The following ARHGAP19 variants were observed in gnomAD, a reference collection of about 807,000 sequenced individuals.
The protein encoded by ARHGAP19 is rho GTPase-activating protein 19.
In ARHGAP19, 48 loss-of-function variants were observed where a neutral mutation model predicts 60.9. That is an observed-to-expected ratio of 0.79 (90% CI 0.62 to 1.00). The LOEUF (loss-of-function observed/expected upper bound fraction) is 1.00, where lower values mean the gene tolerates loss of function less well. ARHGAP19 is among the 50% of genes least tolerant of loss of function. ARHGAP19 has a pLI of 0.00. For synonymous variants in ARHGAP19, 209 were observed against 215.5 expected, an observed-to-expected ratio of 0.97 and a Z score of 0.27; for missense variants, 562 against 597.2, an observed-to-expected ratio of 0.94 and a Z score of 0.61.
chr10:97,231,059 C>CAAAAAAAAAAAAAAAAAAAAAA lies in ARHGAP19; in HGVS notation c.1285-1207_1285-1186dup, dbSNP rs869291841. ...ACACCTAGTGAGACTCTTGTCTCAC[C>CAAAAAAAAAAAAAAAAAAAAAA]AAAAAAAAAAAAAAAAAAAAAAAAA... On this transcript the variant is annotated intron_variant, in intron 9 of 11. Coordinates refer to ENST00000358531, the MANE Select transcript of ARHGAP19 (RefSeq NM_032900.6). Among the ~76,000 whole-genome samples, 9 of 59,764 alleles carry CAAAAAAAAAAAAAAAAAAAAAA rather than the reference C, an allele frequency of 1.5e-4. 1 individual carries two copies. Among genetic ancestry groups the CAAAAAAAAAAAAAAAAAAAAAA allele is most frequent in the Non-Finnish European group, 2.0e-4 (7 of 35,046 alleles). The allele number at this position is 59,764 out of a possible 152,430, so 39.2% of individuals were successfully genotyped here. A position where few individuals can be genotyped will look rare whatever the true frequency, so the allele number is the denominator to read the frequency against.
intron 6 of ARHGAP19, among the ~76,000 whole-genome samples, chr10:97,246,592 G>A (rs1564716174): frequency 6.6e-6 from 1 of 152,166 alleles, no homozygotes; most frequent in Non-Finnish European, 1.5e-5. Flanking sequence ...AACATGGCAT[G>A]TATATACTCA....
intron 1 of ARHGAP19, among the ~76,000 whole-genome samples, chr10:97,287,151 C>T (rs1462948167): frequency 6.6e-6 from 1 of 151,992 alleles, no homozygotes; most frequent in Non-Finnish European, 1.5e-5. Flanking sequence ...CCCTATATTG[C>T]CCAGGCTAGT....
At chr10:97,252,748 C>T (rs112424202) in intron 6 of ARHGAP19, among the ~76,000 whole-genome samples, 6,585 of 152,208 alleles carry the variant, frequency 0.043, 211 homozygotes, top group Non-Finnish European at 0.061. Context: ...AGTATGAAGA[C>T]TTCTCAAAAA....
At chr10:97,234,175 G>A (rs1371748424) in intron 9 of ARHGAP19, among the ~76,000 whole-genome samples, 1 of 151,822 alleles carries the variant, frequency 6.6e-6, no homozygotes, top group Non-Finnish European at 1.5e-5. Context: ...GCTGAGGCAG[G>A]AGAATCGCTT....
intron 11 of ARHGAP19, 194 bp downstream of exon 11, chr10:97,228,953 G>A (rs1850950507): frequency 1.4e-6 from 1 of 691,502 alleles, no homozygotes. Context: ...TCTACCCTTA[G>A]CACCCAAGAC....
At position 97,223,372 on chromosome 10, in the gene ARHGAP19, G is replaced by A. The variant is rs1850840460; in HGVS notation, c.*2750C>T. ...AGGGTTTTTCACACCAGATTCATTG[G>A]TCCCAATGCAAAAGTCTATCATTGT... On this transcript the variant is annotated 3_prime_UTR_variant, in exon 12 of 12. Coordinates refer to ENST00000358531, the MANE Select transcript of ARHGAP19 (RefSeq NM_032900.6). 1 of 152,172 alleles carries A rather than the reference G, an allele frequency of 6.6e-6. No individual in the cohort carries two copies. Among genetic ancestry groups the A allele is most frequent in the Admixed American group, 6.5e-5 (1 of 15,278 alleles). 9.4% of individuals were successfully genotyped at this position (152,172 alleles called of 1,614,324 possible). A position where few individuals can be genotyped will look rare whatever the true frequency, so the allele number is the denominator to read the frequency against.
At chr10:97,246,830 C>T (rs915181372) in intron 6 of ARHGAP19, among the ~76,000 whole-genome samples, 1 of 151,860 alleles carries the variant, frequency 6.6e-6, no homozygotes, top group African/African-American at 2.4e-5. Context: ...GGGAGACCCC[C>T]AACTCTACAA....
chr10:97,270,717 C>A, intron 1 of ARHGAP19: 1 of 1,521,948 alleles, frequency 6.6e-7, no homozygotes, highest in South Asian at 1.2e-5. Context: ...CCAGCACAGC[C>A]TACGCAAATT....
At chr10:97,265,681 C>G (rs1842888720) in intron 2 of ARHGAP19, 179 bp downstream of exon 2, 1 of 656,476 alleles carries the variant, frequency 1.5e-6, no homozygotes, top group Non-Finnish European at 2.5e-6. Context: ...ATTTATTTAT[C>G]TAGACAGTTT....
chr10:97,250,542 C>T (rs1474057528), intron 6 of ARHGAP19, among the ~76,000 whole-genome samples: 1 of 151,752 alleles, frequency 6.6e-6, no homozygotes, highest in African/African-American at 2.4e-5. Flanking sequence ...CACCACCACG[C>T]CCGGCTAATT....
chr10:97,246,069 C>T (rs1390505150), intron 7 of ARHGAP19, among the ~76,000 whole-genome samples: 5 of 152,166 alleles, frequency 3.3e-5, no homozygotes, highest in Non-Finnish European at 7.3e-5. Flanking sequence ...AGTTACCATA[C>T]CTCACATGTG....
intron 1 of ARHGAP19, among the ~76,000 whole-genome samples, chr10:97,267,277 C>T (rs918572298): frequency 6.6e-5 from 10 of 152,206 alleles, no homozygotes; most frequent in African/African-American, 1.9e-4. Flanking sequence ...TTTGACTCCA[C>T]GTCTCACATC....
At chr10:97,269,265 C>T (rs1302890298) in intron 1 of ARHGAP19, among the ~76,000 whole-genome samples, 2 of 152,150 alleles carry the variant, frequency 1.3e-5, no homozygotes, top group Non-Finnish European at 1.5e-5. Context: ...GTCTCTATTT[C>T]CTTGAAAACT....
chr10:97,282,731 G>A (rs763927415), intron 1 of ARHGAP19, among the ~76,000 whole-genome samples: 9 of 151,878 alleles, frequency 5.9e-5, no homozygotes, highest in Non-Finnish European at 1.3e-4. Context: ...ATATTTCTTA[G>A]AGATCTCTTT....
intron 1 of ARHGAP19, among the ~76,000 whole-genome samples, chr10:97,288,058 G>A (rs900063635): frequency 6.6e-6 from 1 of 152,014 alleles, no homozygotes; most frequent in African/African-American, 2.4e-5. Context: ...GCGAAACTCT[G>A]TCTCAAAAAT....
At chr10:97,290,160 T>A (rs564510142) in intron 1 of ARHGAP19, among the ~76,000 whole-genome samples, 1 of 152,328 alleles carries the variant, frequency 6.6e-6, no homozygotes, top group Non-Finnish European at 1.5e-5. Flanking sequence ...CTCTATTAAA[T>A]CTTGCAACTG....
At chr10:97,244,211 T>C (rs746692148) in intron 7 of ARHGAP19, 52 bp from the exon 8 acceptor site, 5 of 1,482,162 alleles carry the variant, frequency 3.4e-6, no homozygotes, top group Non-Finnish European at 4.6e-6. Flanking sequence ...CAACTTTGTT[T>C]TGGGGTTCTT....
chr10:97,229,784 T>G lies in ARHGAP19; in HGVS notation c.1375A>C (p.Ser459Arg), dbSNP rs1473777353. Reference protein sequence around the residue: ...SVAIGELKGTSKENRNLLFSG... With the variant: ...SVAIGELKGTRKENRNLLFSG... Reference sequence around the variant, plus strand: ...CTTACTAAGTTCCTATTTTCTTTGCTGGTTCCCTTCAATTCACCAATGGCC... The same window carrying G: ...CTTACTAAGTTCCTATTTTCTTTGCGGGTTCCCTTCAATTCACCAATGGCC... Residue 459 changes from serine to arginine, a missense_variant, in exon 10 of 12, where the codon AGC (serine) becomes CGC (arginine). By Grantham distance (110) the Ser-to-Arg change is moderately radical. Coordinates refer to ENST00000358531, the MANE Select transcript of ARHGAP19 (RefSeq NM_032900.6). 6.2e-7 allele frequency: 1 copy of G among 1,608,232 alleles called. No homozygotes were observed. The highest frequency in any genetic ancestry group is 1.7e-5 in the Admixed American group (1 of 59,726).
intron 1 of ARHGAP19, 70 bp downstream of exon 1, chr10:97,292,502 C>G: frequency 1.3e-6 from 2 of 1,577,108 alleles, no homozygotes; most frequent in Non-Finnish European, 1.7e-6. Flanking sequence ...CTCCGTGACC[C>G]AAGGCAAAGG....
Sources: allele counts gnomAD v4.1 joint callset (sites outside exome capture counted in the v4.1 genomes callset), GRCh38; gene constraint gnomAD v4.1.1; transcripts MANE v1.5; gene names NCBI Gene and HGNC (gene_info 2026-07-23, HGNC 2026-07-21).